TECRL: variants seen among roughly 807,000 people sequenced by gnomAD.
TECRL encodes trans-2,3-enoyl-CoA reductase like.
Under a neutral mutation model 52.8 loss-of-function variants are expected in TECRL, and 63 were observed. The ratio of observed to expected loss-of-function variants is 1.19; its 90% CI spans 0.97 to 1.47. The LOEUF is 1.47. TECRL is among the 40% of genes most tolerant of loss of function. TECRL has a pLI of 0.00. For synonymous variants in TECRL, 164 were observed against 141.9 expected (o/e 1.16, Z -1.10); for missense variants, 482 against 429.6 (o/e 1.12, Z -1.08).
At chr4:64,366,350 C>G (rs771288653) in intron 2 of TECRL, among the ~76,000 whole-genome samples, 1 of 151,970 alleles carries the variant, frequency 6.6e-6, no homozygotes, top group Non-Finnish European at 1.5e-5. Context: ...GACACAGGAA[C>G]CGGGAAAGAT....
At chr4:64,301,450 A>G (rs1724013408) in intron 7 of TECRL, among the ~76,000 whole-genome samples, 1 of 151,176 alleles carries the variant, frequency 6.6e-6, no homozygotes, top group Non-Finnish European at 1.5e-5. Flanking sequence ...TCATTCAACT[A>G]TAGTTATCAA....
chr4:64,290,110 T>C (rs2109947831), intron 8 of TECRL, among the ~76,000 whole-genome samples: 1 of 152,342 alleles, frequency 6.6e-6, no homozygotes, highest in Admixed American at 6.5e-5. Flanking sequence ...AAGACATATT[T>C]GGCATAGCTT....
chr4:64,311,773 TA>T (rs1416832399), intron 5 of TECRL, among the ~76,000 whole-genome samples: 1 of 152,200 alleles, frequency 6.6e-6, no homozygotes, highest in Non-Finnish European at 1.5e-5. Flanking sequence ...AAACACTGAT[TA>T]GTTTTTGTGG....
chr4:64,381,554 T>A (rs1270692305), intron 1 of TECRL, among the ~76,000 whole-genome samples: 1 of 152,046 alleles, frequency 6.6e-6, no homozygotes, highest in Non-Finnish European at 1.5e-5. Context: ...TGAGGTATGT[T>A]CATTACATAC....
intron 9 of TECRL, among the ~76,000 whole-genome samples, chr4:64,286,247 T>G (rs1244248150): frequency 6.6e-6 from 1 of 151,816 alleles, no homozygotes; most frequent in Admixed American, 6.6e-5. Context: ...CAAGAAGATA[T>G]AATACAAAAT....
intron 8 of TECRL, among the ~76,000 whole-genome samples, chr4:64,297,047 C>A (rs1421836204): frequency 6.6e-6 from 1 of 151,412 alleles, no homozygotes; most frequent in Non-Finnish European, 1.5e-5. Flanking sequence ...ATAGAAAAAA[C>A]CTCACCAAAA....
At chr4:64,337,525 A>G (rs989379677) in intron 2 of TECRL, among the ~76,000 whole-genome samples, 1 of 152,004 alleles carries the variant, frequency 6.6e-6, no homozygotes, top group African/African-American at 2.4e-5. Context: ...TATCTAGAAA[A>G]CCCCATCATC....
At chr4:64,322,063 A>G (rs373626564) in intron 4 of TECRL, among the ~76,000 whole-genome samples, 3 of 152,092 alleles carry the variant, frequency 2.0e-5, no homozygotes, top group East Asian at 1.9e-4. Context: ...ATTGACCCCT[A>G]TTACTGTTAA....
At chr4:64,356,749 C>T (rs1055381531) in intron 2 of TECRL, among the ~76,000 whole-genome samples, 3 of 152,134 alleles carry the variant, frequency 2.0e-5, no homozygotes, top group East Asian at 1.9e-4. Flanking sequence ...TGCTAGGTGG[C>T]GGTCCTCTGG....
rs113482811 is a variant in TECRL, at chr4:64,382,780, G to C, written c.235-7557C>G. Among the ~76,000 whole-genome samples the C allele has an allele frequency of 1.3e-3, 200 of 151,968 alleles. 3 individuals carry two copies. Among genetic ancestry groups the C allele is most frequent in the African/African-American group, 3.9e-3 (160 of 41,482 alleles). On this transcript the variant is annotated intron_variant, in intron 1 of 11. Transcript: ENST00000381210. ...TATTCTATTATTTTGTATGTCCTTTGATCCTTTCTTTTTTTTCTTACTATC... is the reference window on the plus strand; with the variant it reads ...TATTCTATTATTTTGTATGTCCTTTCATCCTTTCTTTTTTTTCTTACTATC...
chr4:64,368,855 G>A (rs1721794635), intron 2 of TECRL, among the ~76,000 whole-genome samples: 1 of 152,052 alleles, frequency 6.6e-6, no homozygotes, highest in Admixed American at 6.6e-5. Context: ...TTTGTCCTGA[G>A]TTAGTTACTA....
In TECRL at chr4:64,341,299, A is replaced by G. The variant is rs555529394; in HGVS notation, c.287-12743T>C. On this transcript the variant is annotated intron_variant, in intron 2 of 11. Transcript: ENST00000381210. Reference sequence around the variant, plus strand: ...ACCAAACAGCAAGGCTAAAAGAGCTATAACAAAAATGGAGCTAAAGGCCAG... The same window carrying G: ...ACCAAACAGCAAGGCTAAAAGAGCTGTAACAAAAATGGAGCTAAAGGCCAG... Among the ~76,000 whole-genome samples the G allele has an allele frequency of 5.3e-5, 8 of 152,270 alleles. No individual in the cohort carries two copies. The East Asian group carries it at 1.4e-3, about 26-fold the overall frequency.
intron 2 of TECRL, among the ~76,000 whole-genome samples, chr4:64,344,820 T>C (rs1032834772): frequency 2.0e-5 from 3 of 152,206 alleles, no homozygotes; most frequent in South Asian, 2.1e-4. Flanking sequence ...GTTTGTCTGT[T>C]TTTGTTGTCT....
intron 1 of TECRL, among the ~76,000 whole-genome samples, chr4:64,380,593 G>A (rs1722716011): frequency 6.6e-6 from 1 of 151,926 alleles, no homozygotes; most frequent in African/African-American, 2.4e-5. Context: ...GATAAAAGAT[G>A]GGGTCTAATC....
At chr4:64,328,033 T>C (rs1209736541) in intron 3 of TECRL, among the ~76,000 whole-genome samples, 4 of 152,040 alleles carry the variant, frequency 2.6e-5, no homozygotes, top group Non-Finnish European at 5.9e-5. Flanking sequence ...CATTTATTGA[T>C]AAATTTCTTG....
chr4:64,408,625 A>G (rs1192630757), intron 1 of TECRL, among the ~76,000 whole-genome samples: 10 of 152,042 alleles, frequency 6.6e-5, no homozygotes, highest in Non-Finnish European at 1.5e-5. Flanking sequence ...TAAGAAAAAT[A>G]ATAAAATCAA....
chr4:64,400,581 A>T (rs1229800631), intron 1 of TECRL, among the ~76,000 whole-genome samples: 1 of 152,154 alleles, frequency 6.6e-6, no homozygotes, highest in African/African-American at 2.4e-5. Context: ...CCAGTGTTGC[A>T]GGTGGGGCCT....
At chr4:64,384,137 A>C (rs746758390) in intron 1 of TECRL, among the ~76,000 whole-genome samples, 20 of 152,110 alleles carry the variant, frequency 1.3e-4, no homozygotes, top group Non-Finnish European at 2.6e-4. Context: ...CATGTGTGCC[A>C]GTCATTGGGT....
intron 1 of TECRL, among the ~76,000 whole-genome samples, chr4:64,389,185 C>G (rs762254920): frequency 8.6e-5 from 13 of 151,932 alleles, no homozygotes; most frequent in Non-Finnish European, 1.6e-4. Flanking sequence ...AACATCCTTT[C>G]CTTCTTTCTG....
Sources: gnomAD v4.1 joint callset for allele counts (sites outside exome capture counted in the v4.1 genomes callset) on GRCh38, gnomAD v4.1.1 for gene constraint, MANE v1.5 for transcripts, NCBI Gene and HGNC (gene_info 2026-07-23, HGNC 2026-07-21) for gene names.